Variants in SCAPER observed in about 807,000 individuals in gnomAD.
SCAPER encodes S phase cyclin A-associated protein in the endoplasmic reticulum.
SCAPER carries 98 observed loss-of-function variants against 182.2 expected under a neutral mutation model. The ratio of observed to expected loss-of-function variants is 0.54; its 90% CI spans 0.46 to 0.64. The LOEUF is 0.64. SCAPER is among the 30% of genes least tolerant of loss of function. The pLI is 0.00. For synonymous variants in SCAPER, 605 were observed against 564.6 expected (o/e 1.07, Z -1.01); for missense variants, 1,432 against 1,690.0 (o/e 0.85, Z 2.68).
At chr15:76,447,041 C>T (rs554510248) in intron 25 of SCAPER, among the ~76,000 whole-genome samples, 2 of 152,252 alleles carry the variant, frequency 1.3e-5, no homozygotes, top group Non-Finnish European at 2.9e-5. Flanking sequence ...AGGTGGACTA[C>T]GCTAAGCCAT....
At chr15:76,591,888 C>T (rs2049139752) in intron 22 of SCAPER, among the ~76,000 whole-genome samples, 1 of 152,090 alleles carries the variant, frequency 6.6e-6, no homozygotes, top group Non-Finnish European at 1.5e-5. Flanking sequence ...GGCAAAACCC[C>T]ATATCTACAA....
At chr15:76,854,675 C>T (rs1330539280) in intron 4 of SCAPER, among the ~76,000 whole-genome samples, 7 of 151,492 alleles carry the variant, frequency 4.6e-5, no homozygotes, top group African/African-American at 1.7e-4. Flanking sequence ...TTAAAAAAAA[C>T]ATGGCCGGGC....
In SCAPER at chr15:76,765,002, G is replaced by A. The variant is rs2063025612; in HGVS notation, c.1684C>T (p.Arg562Cys). 7 of 1,602,408 alleles carry A rather than the reference G, an allele frequency of 4.4e-6. No homozygotes were observed. The highest frequency in any genetic ancestry group is 1.3e-5 in the African/African-American group (1 of 74,798). The part of the protein sequence containing the change: ...MKAQQLREKL[R>C]EEKTLKLQKL... ...TGAAGCTTCAATGTTTTCTCTTCGC[G>A]TAACTTTTCCCTTAGCTGCTGTGCT... Residue 562 changes from arginine (R) to cysteine (C), a missense_variant, in exon 14 of 32, where the codon CGC (arginine) becomes TGC (cysteine). Physicochemically the swap from Arg to Cys is radical, Grantham distance 180. This residue lies in a region of SCAPER where 128 missense variants were observed against 149.9 expected (regional missense o/e 0.85). Transcript: ENST00000563290.
chr15:76,459,402 A>T (rs2048982620), intron 25 of SCAPER, among the ~76,000 whole-genome samples: 1 of 152,134 alleles, frequency 6.6e-6, no homozygotes, highest in African/African-American at 2.4e-5. Flanking sequence ...GAGTAAGATG[A>T]CATCTCATTG....
intron 9 of SCAPER, among the ~76,000 whole-genome samples, chr15:76,772,492 T>C (rs2063526140): frequency 6.6e-6 from 1 of 152,026 alleles, no homozygotes; most frequent in Non-Finnish European, 1.5e-5. Context: ...TCTCAAAGTA[T>C]CTTTGTTAAA....
intron 21 of SCAPER, among the ~76,000 whole-genome samples, chr15:76,652,273 A>ATATAT (rs1555519291): frequency 3.1e-4 from 4 of 12,860 alleles, no homozygotes; most frequent in Non-Finnish European, 4.0e-4. Flanking sequence ...AAAAAAAAAA[A>ATATAT]ATATATATAT....
intron 25 of SCAPER, among the ~76,000 whole-genome samples, chr15:76,446,724 A>C (rs2048025164): frequency 6.6e-6 from 1 of 152,332 alleles, no homozygotes; most frequent in Middle Eastern, 3.4e-3. Context: ...CATATCCTGA[A>C]GTAGACAAAT....
intron 15 of SCAPER, 73 bp from the exon 16 acceptor site, chr15:76,733,457 A>C: frequency 6.5e-7 from 1 of 1,526,986 alleles, no homozygotes; most frequent in Non-Finnish European, 8.8e-7. Context: ...AAGAAATCTA[A>C]CAACAGTCAG....
chr15:76,497,124 T>TTTTC (rs1555456895), intron 24 of SCAPER, among the ~76,000 whole-genome samples: 7 of 139,426 alleles, frequency 5.0e-5, no homozygotes, highest in African/African-American at 2.0e-4. Flanking sequence ...TTTTTTTTTT[T>TTTTC]CCCAAAACGG....
At chr15:76,651,981 A>G (rs2055089569) in intron 21 of SCAPER, among the ~76,000 whole-genome samples, 1 of 151,946 alleles carries the variant, frequency 6.6e-6, no homozygotes, top group Non-Finnish European at 1.5e-5. Flanking sequence ...CAGCAACTCA[A>G]TAAATGTGAT....
chr15:76,443,430 T>C (rs1476779899), intron 25 of SCAPER, among the ~76,000 whole-genome samples: 2 of 152,170 alleles, frequency 1.3e-5, no homozygotes, highest in Admixed American at 1.3e-4. Flanking sequence ...GGTGGAAGAA[T>C]TGTGAAATCA....
At chr15:76,862,570 G>A (rs56107578) in intron 2 of SCAPER, 37 bp from the exon 3 acceptor site, 1 of 1,257,770 alleles carries the variant, frequency 8.0e-7, no homozygotes, top group Non-Finnish European at 1.1e-6. Context: ...TAGATTATTA[G>A]ATAAGTCAAA....
intron 21 of SCAPER, among the ~76,000 whole-genome samples, chr15:76,642,091 A>G (rs1358523226): frequency 6.6e-6 from 1 of 152,208 alleles, no homozygotes; most frequent in African/African-American, 2.4e-5. Flanking sequence ...AAAATATGCT[A>G]CTCAGACAAA....
At chr15:76,889,482 C>T (rs1164307703) in intron 1 of SCAPER, among the ~76,000 whole-genome samples, 1 of 151,972 alleles carries the variant, frequency 6.6e-6, no homozygotes, top group Non-Finnish European at 1.5e-5. Context: ...GGAAGATCTA[C>T]CAAGCAAATG....
intron 1 of SCAPER, among the ~76,000 whole-genome samples, chr15:76,897,586 A>T (rs767693543): frequency 6.6e-6 from 1 of 152,140 alleles, no homozygotes. Context: ...ATGCACCTGA[A>T]GTCCCAGGTA....
intron 23 of SCAPER, among the ~76,000 whole-genome samples, chr15:76,541,953 C>T (rs1196762890): frequency 6.6e-6 from 1 of 152,108 alleles, no homozygotes; most frequent in Non-Finnish European, 1.5e-5. Flanking sequence ...CCTAAACTGT[C>T]AGATCAGAAT....
At chr15:76,427,933 CAAA>C (rs35011897) in intron 26 of SCAPER, among the ~76,000 whole-genome samples, 5 of 131,934 alleles carry the variant, frequency 3.8e-5, no homozygotes, top group Admixed American at 7.7e-5. Flanking sequence ...AACTCCATCT[CAAA>C]AAAAAAAAAA....
Position 76,840,993 on chromosome 15 carries a change from A to G in SCAPER, c.393+741T>C, listed in dbSNP as rs534545339. ...AATTAGAAGAGTGATAAGTATCTCA[A>G]TGGAAAGGGAGTAATGTCCAATTAG... is the stretch of plus-strand genomic sequence containing the variant. On this transcript the variant is annotated intron_variant, in intron 5 of 31. Transcript: ENST00000563290. 9.8e-5 allele frequency among the ~76,000 whole-genome samples: 15 copies of G among 152,360 alleles called. 1 individual carries two copies. The South Asian group carries it at 2.9e-3, about 29-fold the overall frequency.
At chr15:76,417,939 A>G (rs911053761) in intron 26 of SCAPER, among the ~76,000 whole-genome samples, 5 of 151,204 alleles carry the variant, frequency 3.3e-5, no homozygotes, top group Admixed American at 1.3e-4. Flanking sequence ...AATGGCTTGA[A>G]CCCGGGAGGC....
Sources: gnomAD v4.1 joint callset for allele counts (sites outside exome capture counted in the v4.1 genomes callset) on GRCh38, gnomAD v4.1.1 for gene constraint, gnomAD v4.1.1 regional missense constraint, MANE v1.5 for transcripts, NCBI Gene and HGNC (gene_info 2026-07-23, HGNC 2026-07-21) for gene names.